Variants in SYN3 observed in about 807,000 individuals in gnomAD.
SYN3 encodes the protein synapsin-3.
Under a neutral mutation model 65.8 loss-of-function variants are expected in SYN3, and 35 were observed. The observed-to-expected ratio is 0.53, with a 90% CI of 0.41 to 0.70. SYN3 has a LOEUF of 0.70. SYN3 is among the 30% of genes least tolerant of loss of function. The probability of loss-of-function intolerance (pLI) is 0.00; values close to 1 mark genes in which losing one functional copy is unlikely to be tolerated. For synonymous variants in SYN3, 270 were observed against 292.9 expected, an observed-to-expected ratio of 0.92 and a Z score of 0.80; for missense variants, 680 against 749.0, an observed-to-expected ratio of 0.91 and a Z score of 1.08.
At chr22:33,040,328 T>C (rs1295858416) in intron 1 of SYN3, among the ~76,000 whole-genome samples, 1 of 152,120 alleles carries the variant, frequency 6.6e-6, no homozygotes, top group Non-Finnish European at 1.5e-5. Flanking sequence ...AATGAGTTTA[T>C]TCTGAGAGTG....
intron 3 of SYN3, among the ~76,000 whole-genome samples, chr22:32,933,356 T>C (rs1033212181): frequency 6.6e-5 from 10 of 152,172 alleles, no homozygotes; most frequent in African/African-American, 2.2e-4. Flanking sequence ...TCAAATAACA[T>C]GCACAGCATC....
At chr22:32,550,586 A>G (rs754334469) in intron 7 of SYN3, among the ~76,000 whole-genome samples, 1 of 152,100 alleles carries the variant, frequency 6.6e-6, no homozygotes, top group Non-Finnish European at 1.5e-5. Context: ...AAAATAAATA[A>G]GTGTTGTAAT....
At chr22:32,874,915 A>T (rs2048944096) in intron 4 of SYN3, among the ~76,000 whole-genome samples, 1 of 152,248 alleles carries the variant, frequency 6.6e-6, no homozygotes, top group South Asian at 2.1e-4. Flanking sequence ...GGAACCGAGT[A>T]AACCAGCAAA....
At chr22:32,879,748 G>A (rs1991375) in intron 4 of SYN3, among the ~76,000 whole-genome samples, 23,736 of 152,162 alleles carry the variant, frequency 0.16, 2,366 homozygotes, top group Non-Finnish European at 0.22. Context: ...GTACCTAGCC[G>A]GTGTTAAGCA....
At chr22:32,633,153 G>A (rs1292631793) in intron 6 of SYN3, among the ~76,000 whole-genome samples, 1 of 152,248 alleles carries the variant, frequency 6.6e-6, no homozygotes, top group African/African-American at 2.4e-5. Flanking sequence ...TTGACGTCAT[G>A]TACGGCACTT....
intron 6 of SYN3, among the ~76,000 whole-genome samples, chr22:32,781,861 C>T (rs1186271061): frequency 1.3e-5 from 2 of 151,888 alleles, no homozygotes; most frequent in Non-Finnish European, 2.9e-5. Context: ...TATGCTTCTC[C>T]TCCTCCTTTT....
At position 32,508,469 on chromosome 22, in the gene SYN3, T is replaced by C. The variant is rs2057656605; in HGVS notation, c.*5223A>G. The stretch of plus-strand genomic sequence containing the variant: ...ACAGCCATGTTGCTCACACAAAGCC[T>C]GTTTAGTGGTCTCTTCACACAGACG... On this transcript the variant is annotated 3_prime_UTR_variant, in exon 14 of 14. Coordinates refer to ENST00000358763, the MANE Select transcript of SYN3 (RefSeq NM_003490.4). 6.6e-6 allele frequency among the ~76,000 whole-genome samples: 1 copy of C among 152,160 alleles called. No individual in the cohort carries two copies. Among genetic ancestry groups the C allele is most frequent in the Non-Finnish European group, 1.5e-5 (1 of 68,022 alleles).
intron 6 of SYN3, among the ~76,000 whole-genome samples, chr22:32,667,153 C>CCCTT (rs1290027053): frequency 2.0e-5 from 3 of 151,736 alleles, no homozygotes; most frequent in Non-Finnish European, 4.4e-5. Context: ...CTTCCTTCCT[C>CCCTT]CCTTCCTTCC....
At chr22:32,984,479 T>C (rs543066578) in intron 2 of SYN3, among the ~76,000 whole-genome samples, 1 of 152,306 alleles carries the variant, frequency 6.6e-6, no homozygotes, top group East Asian at 1.9e-4. Context: ...CCTCCCCAAA[T>C]GGTTGTCCTT....
intron 7 of SYN3, among the ~76,000 whole-genome samples, chr22:32,564,937 TACCCAAACAGTGCTCCTGGACTGC>T (rs559202785): frequency 0.27 from 25,611 of 96,484 alleles, 3,002 homozygotes; most frequent in East Asian, 0.43. Flanking sequence ...TCCCGGATTG[TACCCAAACAGTGCTCCTGGACTGC>T]ACCCAAACAG....
At chr22:32,775,196 G>T (rs2045879828) in intron 6 of SYN3, among the ~76,000 whole-genome samples, 1 of 152,122 alleles carries the variant, frequency 6.6e-6, no homozygotes, top group Admixed American at 6.5e-5. Flanking sequence ...CAGGAGTGTG[G>T]AGAGGTGGAC....
chr22:33,045,648 G>C (rs5754390), intron 1 of SYN3, among the ~76,000 whole-genome samples: 26 of 151,652 alleles, frequency 1.7e-4, no homozygotes, highest in Non-Finnish European at 3.1e-4. Flanking sequence ...ATTTTTAGTA[G>C]AGACAGAGTT....
chr22:32,980,793 T>C (rs534410339), intron 2 of SYN3, 91 bp from the exon 3 acceptor site: 9 of 1,085,290 alleles, frequency 8.3e-6, no homozygotes, highest in Admixed American at 3.4e-5. Flanking sequence ...GAGGTGCATA[T>C]TGAGACACAT....
At chr22:32,919,005 G>A (rs943923216) in intron 4 of SYN3, among the ~76,000 whole-genome samples, 1 of 152,200 alleles carries the variant, frequency 6.6e-6, no homozygotes, top group Non-Finnish European at 1.5e-5. Context: ...TGTGAGCTCG[G>A]AGGTGGGCAC....
At chr22:32,940,730 T>C (rs1427748723) in intron 3 of SYN3, among the ~76,000 whole-genome samples, 1 of 152,218 alleles carries the variant, frequency 6.6e-6, no homozygotes, top group African/African-American at 2.4e-5. Context: ...AATTTGTCTA[T>C]CCTGTTTCAA....
At chr22:32,928,757 C>T (rs189826647) in intron 4 of SYN3, among the ~76,000 whole-genome samples, 1 of 152,160 alleles carries the variant, frequency 6.6e-6, no homozygotes, top group Non-Finnish European at 1.5e-5. Flanking sequence ...GCTCTATTCT[C>T]TTTTACCTCT....
rs979852552 is a variant in SYN3 at position 32,509,421 on chromosome 22, C to A, written c.*4271G>T. Among the ~76,000 whole-genome samples the A allele has an allele frequency of 6.6e-6, 1 of 152,128 alleles. No individual in the cohort carries two copies. Among genetic ancestry groups the A allele is most frequent in the African/African-American group, 2.4e-5 (1 of 41,426 alleles). ...CCCTCCTTTTTGCCCTTTCCCATTTCAAAATGTCACAATTATTAAAGGTTA... is the reference window on the plus strand; with the variant it reads ...CCCTCCTTTTTGCCCTTTCCCATTTAAAAATGTCACAATTATTAAAGGTTA... On this transcript the variant is annotated 3_prime_UTR_variant, in exon 14 of 14. Transcript: ENST00000358763.
chr22:32,649,274 C>T (rs73881775), intron 6 of SYN3, among the ~76,000 whole-genome samples: 2 of 152,292 alleles, frequency 1.3e-5, no homozygotes, highest in South Asian at 2.1e-4. Flanking sequence ...GTCCACTCAG[C>T]GCCAGGCCTA....
chr22:32,634,518 T>C (rs975054396), intron 6 of SYN3, among the ~76,000 whole-genome samples: 1 of 152,206 alleles, frequency 6.6e-6, no homozygotes, highest in African/African-American at 2.4e-5. Context: ...CTAAAATGCA[T>C]ATCTGACCAG....
Sources: allele counts gnomAD v4.1 joint callset (sites outside exome capture counted in the v4.1 genomes callset), GRCh38; gene constraint gnomAD v4.1.1; transcripts MANE v1.5; gene names NCBI Gene and HGNC (gene_info 2026-07-23, HGNC 2026-07-21).